CFAP46: variants seen among roughly 807,000 people sequenced by gnomAD.
The protein encoded by CFAP46 is cilia and flagella associated protein 46, also known as cilia- and flagella-associated protein 46.
CFAP46 carries 245 observed loss-of-function variants against 325.7 expected under a neutral mutation model. That is an observed-to-expected ratio of 0.75 (90% CI 0.68 to 0.84). The LOEUF is 0.84. Ranked by LOEUF, CFAP46 falls within the 40% of genes least tolerant of loss-of-function variation. The pLI, the probability that CFAP46 is intolerant of heterozygous loss-of-function variation, is 0.00. For synonymous variants in CFAP46, 1,523 were observed against 1,495.9 expected (o/e 1.02, Z -0.42); for missense variants, 3,346 against 3,543.0 (o/e 0.94, Z 1.41).
rs1187926599 is a variant in CFAP46, at chr10:132,808,916, G to A, written c.7665-12C>T. 4 of 1,564,326 alleles carry A rather than the reference G, an allele frequency of 2.6e-6. No homozygotes were observed. The highest frequency in any genetic ancestry group is 3.5e-6 in the Non-Finnish European group (4 of 1,150,038). On this transcript the variant is annotated splice_polypyrimidine_tract_variant and intron_variant, in intron 57 of 57. Coordinates refer to ENST00000368586, the MANE Select transcript of CFAP46 (RefSeq NM_001200049.3). The surrounding 1 kb of genome is among the most constrained non-coding windows in gnomAD (Gnocchi z 6.8). ...CTGAGAAGCCTCGTCTGTGGAGAAAGGGGCGGGAGCTATGAACCCCGAGGC... is the reference window on the plus strand; with the variant it reads ...CTGAGAAGCCTCGTCTGTGGAGAAAAGGGCGGGAGCTATGAACCCCGAGGC...
At chr10:132,870,800 T>C (rs2135306726) in intron 32 of CFAP46, among the ~76,000 whole-genome samples, 1 of 152,316 alleles carries the variant, frequency 6.6e-6, no homozygotes, top group East Asian at 1.9e-4. Flanking sequence ...ATGGAGAAGC[T>C]GAAGCCAGTT....
Position 132,912,595 on chromosome 10 carries a change from C to T in CFAP46, c.2499+60G>A, listed in dbSNP as rs958346220. On this transcript the variant is annotated intron_variant, in intron 19 of 57. Transcript: ENST00000368586. ...TTCACCTCTCCTCTCCTCTCTCTCTCTCCTCTCTCCTCTCTCTCTCTCTCT... is the reference window on the plus strand; with the variant it reads ...TTCACCTCTCCTCTCCTCTCTCTCTTTCCTCTCTCCTCTCTCTCTCTCTCT... 72 of 1,432,864 alleles carry T rather than the reference C, an allele frequency of 5.0e-5. No individual in the cohort carries two copies. The Middle Eastern group carries it at 5.3e-4, about 11-fold the overall frequency. The allele number at this position is 1,432,864 out of a possible 1,614,324, so 88.8% of individuals were successfully genotyped here.
intron 45 of CFAP46, 104 bp from the exon 46 acceptor site, chr10:132,836,322 C>A (rs1054358651): frequency 4.7e-6 from 5 of 1,058,278 alleles, no homozygotes; most frequent in South Asian, 1.3e-5. Context: ...GCCAACTCTG[C>A]AGACCATGGA....
At chr10:132,930,547 CG>C (rs1849880423) in intron 8 of CFAP46, among the ~76,000 whole-genome samples, 1 of 137,612 alleles carries the variant, frequency 7.3e-6, no homozygotes, top group Non-Finnish European at 1.6e-5. Context: ...CCCCACACTC[CG>C]CACACAGAGC....
intron 17 of CFAP46, among the ~76,000 whole-genome samples, chr10:132,913,663 C>T (rs899996848): frequency 6.6e-5 from 10 of 152,302 alleles, no homozygotes; most frequent in Middle Eastern, 3.4e-3. Flanking sequence ...ACCGCTGGGA[C>T]GGCTGGATGG....
At chr10:132,854,402 T>A (rs931519801) in intron 39 of CFAP46, among the ~76,000 whole-genome samples, 1 of 152,220 alleles carries the variant, frequency 6.6e-6, no homozygotes, top group Non-Finnish European at 1.5e-5. Flanking sequence ...AGTGGCGTGA[T>A]CGCCACTCAC....
In CFAP46 at chr10:132,812,784, C is replaced by T; in HGVS notation, c.7501+1G>A. On this transcript the variant is annotated splice_donor_variant, in intron 55 of 57. Transcript: ENST00000368586. LOFTEE classifies it high-confidence loss of function. The stretch of plus-strand genomic sequence containing the variant: ...GGGGGTGCTGAGAGGACACCTCTCA[C>T]CTTGCAAGTTCATGGCGACCAATCT... 1 of 1,607,172 alleles carries T rather than the reference C, an allele frequency of 6.2e-7. No individual in the cohort carries two copies. Among genetic ancestry groups the T allele is most frequent in the Non-Finnish European group, 8.5e-7 (1 of 1,175,386 alleles).
At chr10:132,895,804 T>C (rs188649278) in intron 24 of CFAP46, among the ~76,000 whole-genome samples, 5 of 152,338 alleles carry the variant, frequency 3.3e-5, no homozygotes, top group Admixed American at 6.5e-5. Flanking sequence ...TGGGAGGTAA[T>C]TGACGTTAGA....
At chr10:132,866,580 G>C (rs1205592943) in intron 34 of CFAP46, among the ~76,000 whole-genome samples, 1 of 152,150 alleles carries the variant, frequency 6.6e-6, no homozygotes, top group Non-Finnish European at 1.5e-5. Context: ...AGGGCGCCCC[G>C]GGTGTGGGCC....
chr10:132,841,094 C>G (rs1298276296), intron 44 of CFAP46, among the ~76,000 whole-genome samples: 1 of 152,172 alleles, frequency 6.6e-6, no homozygotes, highest in Non-Finnish European at 1.5e-5. Flanking sequence ...CATTCTGCCC[C>G]CAAAACTCAT....
chr10:132,814,509 C>T, intron 53 of CFAP46, 68 bp downstream of exon 53: 1 of 1,537,630 alleles, frequency 6.5e-7, no homozygotes, highest in Non-Finnish European at 8.8e-7. Flanking sequence ...TTGCTGCCCA[C>T]AACTGCAGGA....
intron 35 of CFAP46, among the ~76,000 whole-genome samples, chr10:132,862,451 TG>T (rs1554879661): frequency 4.5e-5 from 1 of 22,258 alleles, no homozygotes; most frequent in African/African-American, 2.2e-4. Context: ...TGGGGCGGGG[TG>T]GGGGGTGCGT....
At chr10:132,830,214 G>C (rs944016703) in intron 50 of CFAP46, among the ~76,000 whole-genome samples, 1 of 151,946 alleles carries the variant, frequency 6.6e-6, no homozygotes, top group Non-Finnish European at 1.5e-5. Flanking sequence ...CATGATCTCA[G>C]CTCACTGCAA....
At chr10:132,849,952 T>TTGGGGCGGGCCGCGTGC (rs1848508434) in intron 41 of CFAP46, among the ~76,000 whole-genome samples, 2 of 150,428 alleles carry the variant, frequency 1.3e-5, no homozygotes, top group Admixed American at 1.3e-4. Flanking sequence ...CAGGGCTTGA[T>TTGGGGCGGGCCGCGTGC]TGGGGCGGGC....
intron 44 of CFAP46, 139 bp downstream of exon 44, chr10:132,845,918 G>A (rs1401199870): frequency 4.2e-6 from 4 of 949,232 alleles, no homozygotes; most frequent in Non-Finnish European, 6.2e-6. Context: ...GCACATGGCT[G>A]GGGGCACGGG....
chr10:132,843,212 G>A (rs753575907), intron 44 of CFAP46, among the ~76,000 whole-genome samples: 6 of 152,324 alleles, frequency 3.9e-5, no homozygotes, highest in South Asian at 2.1e-4. Context: ...TGGAGGCTGC[G>A]TCCTCTCCAG....
chr10:132,934,982 C>A, intron 7 of CFAP46, 120 bp from the exon 8 acceptor site: 1 of 708,146 alleles, frequency 1.4e-6, no homozygotes, highest in Non-Finnish European at 2.5e-6. Context: ...CTGAAAATAA[C>A]CCCTCCTGCC....
At chr10:132,910,229 C>T in intron 19 of CFAP46, 161 bp from the exon 20 acceptor site, 2 of 604,954 alleles carry the variant, frequency 3.3e-6, no homozygotes, top group Non-Finnish European at 5.0e-6. Context: ...CACCACAAAC[C>T]CAGCAGATGA....
At chr10:132,906,427 CA>C (rs1849456545) in intron 22 of CFAP46, among the ~76,000 whole-genome samples, 1 of 152,250 alleles carries the variant, frequency 6.6e-6, no homozygotes, top group African/African-American at 2.4e-5. Flanking sequence ...TAGTGCCTGC[CA>C]ACCGAGAAGA....
Sources: gnomAD v4.1 joint callset for allele counts (sites outside exome capture counted in the v4.1 genomes callset) on GRCh38, gnomAD v4.1.1 for gene constraint, Gnocchi (gnomAD v3.1) non-coding constraint, MANE v1.5 for transcripts, NCBI Gene and HGNC (gene_info 2026-07-23, HGNC 2026-07-21) for gene names.